NDFIP2: variants seen among roughly 807,000 people sequenced by gnomAD.
NDFIP2 encodes NEDD4 family-interacting protein 2.
NDFIP2 carries 19 observed loss-of-function variants against 36.0 expected under a neutral mutation model. The ratio of observed to expected loss-of-function variants is 0.53; its 90% CI spans 0.37 to 0.77. The LOEUF (loss-of-function observed/expected upper bound fraction) is 0.77, where lower values mean the gene tolerates loss of function less well. Ranked by LOEUF, NDFIP2 falls within the 30% of genes least tolerant of loss-of-function variation. The pLI is 0.00. For missense variants in NDFIP2, 446 were observed against 435.8 expected (o/e 1.02, Z -0.21); for synonymous variants, 181 against 167.7 (o/e 1.08, Z -0.61).
chr13:79,534,904 G>C (rs537502136), intron 3 of NDFIP2, among the ~76,000 whole-genome samples: 1 of 152,276 alleles, frequency 6.6e-6, no homozygotes, highest in African/African-American at 2.4e-5. Flanking sequence ...AGCACACACA[G>C]GGTTAAACGT....
In NDFIP2 at chr13:79,553,655, A is replaced by G. The variant is rs943690561; in HGVS notation, c.*1142A>G. ...AACATATCCTGAACTGAGATATGCA[A>G]AATACTCATTTTCAAGTTATGGAAA... On this transcript the variant is annotated 3_prime_UTR_variant, in exon 8 of 8. Coordinates refer to ENST00000218652, the MANE Select transcript of NDFIP2 (RefSeq NM_019080.3). The G allele has an allele frequency of 2.0e-5, 3 of 151,972 alleles. No individual in the cohort carries two copies. The highest frequency in any genetic ancestry group is 7.2e-5 in the African/African-American group (3 of 41,408). 9.4% of individuals were successfully genotyped at this position (151,972 alleles called of 1,614,324 possible). A position where few individuals can be genotyped will look rare whatever the true frequency, so the allele number is the denominator to read the frequency against.
intron 2 of NDFIP2, among the ~76,000 whole-genome samples, chr13:79,522,588 G>C (rs1874629214): frequency 6.6e-6 from 1 of 152,172 alleles, no homozygotes; most frequent in East Asian, 1.9e-4. Context: ...AGAGTCTTAT[G>C]TGACTGTTGT....
At chr13:79,517,581 A>G (rs1254225028) in intron 1 of NDFIP2, among the ~76,000 whole-genome samples, 2 of 152,206 alleles carry the variant, frequency 1.3e-5, no homozygotes, top group African/African-American at 4.8e-5. Context: ...TATATATGCT[A>G]CAGTAGGCAG....
At chr13:79,500,649 GA>G (rs1873629701) in intron 1 of NDFIP2, among the ~76,000 whole-genome samples, 1 of 151,988 alleles carries the variant, frequency 6.6e-6, no homozygotes. Flanking sequence ...CCCAAATTCA[GA>G]ACGCTGACAA....
rs1876084061 is a variant in NDFIP2, at chr13:79,555,653, C to A, written c.*3140C>A. ...TGAATGGCTTTTATATTTTTAACTG[C>A]TGTTAAATGTTATTTTAGCATTTAT... On this transcript the variant is annotated 3_prime_UTR_variant, in exon 8 of 8. Transcript: ENST00000218652. 6.6e-6 allele frequency: 1 copy of A among 151,762 alleles called. No homozygotes were observed. The highest frequency in any genetic ancestry group is 2.4e-5 in the African/African-American group (1 of 41,320). The allele number at this position is 151,762 out of a possible 1,614,324, so 9.4% of individuals were successfully genotyped here. A position where few individuals can be genotyped will look rare whatever the true frequency, so the allele number is the denominator to read the frequency against.
Position 79,554,272 on chromosome 13 carries a change from A to G in NDFIP2, c.*1759A>G, listed in dbSNP as rs1467028549. 6.6e-6 allele frequency: 1 copy of G among 151,782 alleles called. No homozygotes were observed. The highest frequency in any genetic ancestry group is 2.4e-5 in the African/African-American group (1 of 41,428). 9.4% of individuals were successfully genotyped at this position (151,782 alleles called of 1,614,324 possible). On this transcript the variant is annotated 3_prime_UTR_variant, in exon 8 of 8. Coordinates refer to ENST00000218652, the MANE Select transcript of NDFIP2 (RefSeq NM_019080.3). ...CTAATTTGGAAGTTAATTAAAATTAAACTGTACTAATAACATATTCAAACT... is the reference window on the plus strand; with the variant it reads ...CTAATTTGGAAGTTAATTAAAATTAGACTGTACTAATAACATATTCAAACT...
At chr13:79,534,863 C>G (rs140519794) in intron 3 of NDFIP2, among the ~76,000 whole-genome samples, 56 of 152,216 alleles carry the variant, frequency 3.7e-4, no homozygotes, top group African/African-American at 1.3e-3. Context: ...AGCAATAACC[C>G]TATTTATGCC....
At chr13:79,512,885 C>G (rs924127522) in intron 1 of NDFIP2, among the ~76,000 whole-genome samples, 10 of 152,128 alleles carry the variant, frequency 6.6e-5, no homozygotes, top group African/African-American at 2.4e-4. Flanking sequence ...GTTGTAGCTT[C>G]TCTATTTGGG....
chr13:79,539,627 T>C, intron 3 of NDFIP2, 55 bp from the exon 4 acceptor site: 2 of 1,398,506 alleles, frequency 1.4e-6, no homozygotes, highest in Non-Finnish European at 2.0e-6. Context: ...TGCTTACATT[T>C]AAGATGATAA....
At chr13:79,535,822 G>C (rs1315900314) in intron 3 of NDFIP2, among the ~76,000 whole-genome samples, 2 of 152,090 alleles carry the variant, frequency 1.3e-5, no homozygotes, top group Non-Finnish European at 2.9e-5. Flanking sequence ...ATGGTAATTA[G>C]CTCAATTTAG....
chr13:79,503,612 C>T (rs1324514036), intron 1 of NDFIP2, among the ~76,000 whole-genome samples: 1 of 152,116 alleles, frequency 6.6e-6, no homozygotes, highest in Non-Finnish European at 1.5e-5. Context: ...ATGACCAGAT[C>T]AGGGATTCTG....
intron 1 of NDFIP2, among the ~76,000 whole-genome samples, chr13:79,507,442 T>G (rs1873912758): frequency 1.6e-5 from 1 of 63,840 alleles, no homozygotes; most frequent in Non-Finnish European, 2.5e-5. Flanking sequence ...CCCGGCTAAT[T>G]TTTTTGTATT....
chr13:79,541,856 A>C (rs949303091), intron 4 of NDFIP2, among the ~76,000 whole-genome samples: 1 of 152,052 alleles, frequency 6.6e-6, no homozygotes, highest in African/African-American at 2.4e-5. Context: ...TTCCTTCTTT[A>C]TTTTCAGTGT....
At chr13:79,483,145 A>G (rs572486214) in intron 1 of NDFIP2, among the ~76,000 whole-genome samples, 1 of 152,236 alleles carries the variant, frequency 6.6e-6, no homozygotes, top group African/African-American at 2.4e-5. Context: ...TGTGTCCTAC[A>G]TAGACTTTGA....
At chr13:79,493,846 G>C (rs369729877) in intron 1 of NDFIP2, among the ~76,000 whole-genome samples, 2 of 151,920 alleles carry the variant, frequency 1.3e-5, no homozygotes, top group South Asian at 4.2e-4. Context: ...ATCTTTCATT[G>C]GGCTGGATTT....
chr13:79,548,427 T>G lies in NDFIP2; in HGVS notation c.907+33T>G, dbSNP rs181056117. On this transcript the variant is annotated intron_variant, in intron 6 of 7. Transcript: ENST00000218652. The stretch of plus-strand genomic sequence containing the variant: ...TATTCTTAATGCATTTAGTTTAACT[T>G]GGATATTTCCAAAAACTGTAAGATG... 3.8e-5 allele frequency: 56 copies of G among 1,455,472 alleles called. No individual in the cohort carries two copies. In the East Asian group the frequency reaches 1.2e-3, roughly 31 times the overall value. 90.2% of individuals were successfully genotyped at this position (1,455,472 alleles called of 1,614,324 possible).
At chr13:79,551,667 A>G (rs959391773) in intron 7 of NDFIP2, among the ~76,000 whole-genome samples, 2 of 151,534 alleles carry the variant, frequency 1.3e-5, no homozygotes, top group African/African-American at 4.8e-5. Context: ...TTTTTTATCA[A>G]CTATGAAGGC....
chr13:79,521,700 C>T (rs887265386), intron 2 of NDFIP2, among the ~76,000 whole-genome samples: 1 of 152,036 alleles, frequency 6.6e-6, no homozygotes, highest in Non-Finnish European at 1.5e-5. Context: ...AATGTGTAAA[C>T]TCAATATTTC....
In NDFIP2 at chr13:79,533,421, G is replaced by A; in HGVS notation, c.586G>A (p.Ala196Thr). Residue 196 changes from alanine (A) to threonine (T), a missense_variant, in exon 3 of 8, where the codon GCA becomes ACA. By Grantham distance (58) the Ala-to-Thr change is moderately conservative. Transcript: ENST00000218652. ...YDEAEKAKAA[A>T]MAAAAAETSQ... ...TGAAGCTGAGAAGGCTAAAGCTGCT[G>A]CAATGGCAGCTGCAGCAGCAGAAAC... is the stretch of plus-strand genomic sequence containing the variant. 2 of 1,609,678 alleles carry A rather than the reference G, an allele frequency of 1.2e-6. No homozygotes were observed. Among genetic ancestry groups the A allele is most frequent in the Non-Finnish European group, 1.7e-6 (2 of 1,177,970 alleles).
Sources: allele counts gnomAD v4.1 joint callset (sites outside exome capture counted in the v4.1 genomes callset), GRCh38; gene constraint gnomAD v4.1.1; transcripts MANE v1.5; gene names NCBI Gene and HGNC (gene_info 2026-07-23, HGNC 2026-07-21).